Variants in CSMD1 observed in about 807,000 individuals in gnomAD.
The protein encoded by CSMD1 is CUB and Sushi multiple domains 1, also known as CUB and sushi domain-containing protein 1.
In CSMD1, 213 loss-of-function variants were observed where a neutral mutation model predicts 417.5. The observed-to-expected ratio is 0.51, with a 90% CI of 0.46 to 0.57. The LOEUF (loss-of-function observed/expected upper bound fraction) is 0.57, where lower values mean the gene tolerates loss of function less well. CSMD1 is among the 20% of genes least tolerant of loss of function. CSMD1 has a pLI of 0.00. For missense variants in CSMD1, 6,923 were observed against 4,529.7 expected (o/e 1.53, Z -15.17); for synonymous variants, 2,862 against 1,736.8 (o/e 1.65, Z -16.11).
At chr8:3,639,988 G>C (rs773744401) in intron 7 of CSMD1, among the ~76,000 whole-genome samples, 1 of 152,194 alleles carries the variant, frequency 6.6e-6, no homozygotes, top group Admixed American at 6.5e-5. Flanking sequence ...TCTAATAGTG[G>C]TTGGGATATA....
chr8:4,465,515 G>A (rs992462515), intron 2 of CSMD1, among the ~76,000 whole-genome samples: 2 of 152,128 alleles, frequency 1.3e-5, no homozygotes, highest in South Asian at 2.1e-4. Flanking sequence ...AACAGTGGGG[G>A]ATATGGAAGC....
chr8:4,653,064 C>G (rs935132248), intron 1 of CSMD1, among the ~76,000 whole-genome samples: 2 of 151,984 alleles, frequency 1.3e-5, no homozygotes, highest in East Asian at 3.9e-4. Context: ...GGCTTGGGGA[C>G]CCCGCTCTAG....
intron 2 of CSMD1, among the ~76,000 whole-genome samples, chr8:4,589,786 T>C (rs1563314250): frequency 6.6e-6 from 1 of 152,200 alleles, no homozygotes; most frequent in African/African-American, 2.4e-5. Context: ...GGAAAAAATA[T>C]ATATCTTTGC....
chr8:3,866,423 T>C (rs1469479278), intron 5 of CSMD1, among the ~76,000 whole-genome samples: 2 of 152,192 alleles, frequency 1.3e-5, no homozygotes, highest in Non-Finnish European at 2.9e-5. Context: ...TGGAAGCGTT[T>C]CCAATTTGAT....
At chr8:4,881,284 C>T (rs1358967983) in intron 1 of CSMD1, among the ~76,000 whole-genome samples, 3 of 152,052 alleles carry the variant, frequency 2.0e-5, no homozygotes, top group African/African-American at 7.3e-5. Context: ...CCAGACTGTG[C>T]CCTCTACAAG....
chr8:3,284,196 C>T lies in CSMD1; in HGVS notation c.4101G>A (p.Gln1367=). Reference sequence around the variant, plus strand: ...TGCTGATGAAGAAGTCGCTGTCGAACTGCAGGGTGAGTGAGTTGAAGGTGC... The same window carrying T: ...TGCTGATGAAGAAGTCGCTGTCGAATTGCAGGGTGAGTGAGTTGAAGGTGC... ...IHSTFNSLTL[Q]FDSDFFISKS... The change falls in exon 26 of 70, where the codon CAG becomes CAA. Residue 1367 remains glutamine (Q), a synonymous_variant. Coordinates refer to ENST00000635120, the MANE Select transcript of CSMD1 (RefSeq NM_033225.6). The T allele has an allele frequency of 6.2e-7, 1 of 1,604,722 alleles. No individual in the cohort carries two copies. Among genetic ancestry groups the T allele is most frequent in the Non-Finnish European group, 8.5e-7 (1 of 1,175,726 alleles).
chr8:3,119,394 A>AAC lies in CSMD1; in HGVS notation c.6242-808_6242-807insGT, dbSNP rs1208416676. ...TTTTTAGTCTTTTTCTAAAAAAAAAAAAAAAAAAAAAAAAAAAACACTGTA... is the reference window on the plus strand; with the variant it reads ...TTTTTAGTCTTTTTCTAAAAAAAAAAACAAAAAAAAAAAAAAAAAACACTGTA... On this transcript the variant is annotated intron_variant, in intron 41 of 69. Transcript: ENST00000635120. Among the ~76,000 whole-genome samples, 31 of 140,544 alleles carry AAC rather than the reference A, an allele frequency of 2.2e-4. No individual in the cohort carries two copies. In the South Asian group the frequency reaches 8.7e-3, roughly 39 times the overall value. The allele number at this position is 140,544 out of a possible 152,430, so 92.2% of individuals were successfully genotyped here.
Position 4,660,142 on chromosome 8 carries a change from A to G in CSMD1, c.86-22584T>C, listed in dbSNP as rs1400351186. On this transcript the variant is annotated intron_variant, in intron 1 of 69. Coordinates refer to ENST00000635120, the MANE Select transcript of CSMD1 (RefSeq NM_033225.6). ...AAAAAAAAAAAAAGGAACGAAATAA[A>G]ATTTATATACATCTGAAAGGGAGAA... is the stretch of plus-strand genomic sequence containing the variant. Among the ~76,000 whole-genome samples the G allele has an allele frequency of 2.6e-5, 4 of 151,774 alleles. No individual in the cohort carries two copies. The East Asian group carries it at 7.7e-4, about 29-fold the overall frequency.
intron 7 of CSMD1, among the ~76,000 whole-genome samples, chr8:3,618,799 C>T (rs1802273655): frequency 6.6e-6 from 1 of 152,186 alleles, no homozygotes; most frequent in South Asian, 2.1e-4. Flanking sequence ...CTTACTCTCC[C>T]TTGTTTCATA....
chr8:3,342,371 G>A (rs1259805025), intron 23 of CSMD1, among the ~76,000 whole-genome samples: 1 of 152,066 alleles, frequency 6.6e-6, no homozygotes, highest in Non-Finnish European at 1.5e-5. Flanking sequence ...ATACTTTTAT[G>A]CTCAAAAACC....
intron 5 of CSMD1, among the ~76,000 whole-genome samples, chr8:3,982,545 G>C (rs13281344): frequency 0.028 from 4,208 of 151,998 alleles, 79 homozygotes; most frequent in South Asian, 0.049. Context: ...ATGTGCACTA[G>C]GATTATGTGC....
At chr8:4,639,298 C>T (rs1019709530) in intron 1 of CSMD1, among the ~76,000 whole-genome samples, 2 of 141,732 alleles carry the variant, frequency 1.4e-5, no homozygotes, top group African/African-American at 5.3e-5. Flanking sequence ...TAACAGTCTG[C>T]CTCTGATGGC....
At chr8:3,949,537 A>T (rs944058466) in intron 5 of CSMD1, among the ~76,000 whole-genome samples, 6 of 152,162 alleles carry the variant, frequency 3.9e-5, no homozygotes, top group Admixed American at 6.5e-5. Flanking sequence ...TAGCAACATT[A>T]AGTGTGTCTA....
chr8:3,465,964 G>A (rs1392007494), intron 12 of CSMD1, among the ~76,000 whole-genome samples: 1 of 152,144 alleles, frequency 6.6e-6, no homozygotes, highest in Non-Finnish European at 1.5e-5. Context: ...AAGCTGGAGA[G>A]AAGGGGTGCT....
intron 3 of CSMD1, among the ~76,000 whole-genome samples, chr8:4,236,055 T>TTTTTG (rs1802037419): frequency 2.4e-5 from 2 of 83,742 alleles, no homozygotes; most frequent in African/African-American, 4.2e-5. Context: ...TTTTTTTTTT[T>TTTTTG]TTTTTTTTTT....
intron 5 of CSMD1, among the ~76,000 whole-genome samples, chr8:3,973,971 G>C (rs567582475): frequency 6.6e-6 from 1 of 152,162 alleles, no homozygotes; most frequent in South Asian, 2.1e-4. Context: ...ATTCCCTCAA[G>C]CATTTATCCA....
At chr8:3,045,023 C>T (rs190569966) in intron 50 of CSMD1, among the ~76,000 whole-genome samples, 5 of 152,058 alleles carry the variant, frequency 3.3e-5, no homozygotes, top group Non-Finnish European at 2.9e-5. Flanking sequence ...AAAACAATCC[C>T]CCGAATAAAA....
chr8:4,594,372 G>A (rs888225536), intron 2 of CSMD1, among the ~76,000 whole-genome samples: 2 of 151,462 alleles, frequency 1.3e-5, no homozygotes, highest in African/African-American at 4.9e-5. Context: ...GCTAATTTTT[G>A]TATTATTAGT....
chr8:3,102,225 T>C (rs1471482728), intron 46 of CSMD1, among the ~76,000 whole-genome samples: 1 of 152,196 alleles, frequency 6.6e-6, no homozygotes, highest in African/African-American at 2.4e-5. Context: ...AGAAAAGTAC[T>C]TAAAGAAAGA....
Sources: gnomAD v4.1 joint callset for allele counts (sites outside exome capture counted in the v4.1 genomes callset) on GRCh38, gnomAD v4.1.1 for gene constraint, MANE v1.5 for transcripts, NCBI Gene and HGNC (gene_info 2026-07-23, HGNC 2026-07-21) for gene names.